CGNL1: variants seen among roughly 807,000 people sequenced by gnomAD.
CGNL1 encodes cingulin-like protein 1.
A neutral mutation model predicts 141.2 loss-of-function variants in CGNL1; 132 were observed. That is an observed-to-expected ratio of 0.93 (90% confidence interval 0.81 to 1.08). The LOEUF is 1.08. CGNL1 is among the 50% of genes least tolerant of loss of function. CGNL1 has a pLI of 0.00. For missense variants in CGNL1, 1,870 were observed against 1,588.6 expected (o/e 1.18, Z -3.01); for synonymous variants, 690 against 622.1 (o/e 1.11, Z -1.63).
intron 1 of CGNL1, among the ~76,000 whole-genome samples, chr15:57,426,737 G>A (rs939085786): frequency 1.4e-4 from 21 of 152,018 alleles, no homozygotes; most frequent in African/African-American, 5.1e-4. Flanking sequence ...GGGATTACAG[G>A]GATGAGATAC....
intron 8 of CGNL1, among the ~76,000 whole-genome samples, chr15:57,479,171 A>G (rs1469783403): frequency 6.6e-6 from 1 of 152,104 alleles, no homozygotes; most frequent in African/African-American, 2.4e-5. Flanking sequence ...TGGCACCTTT[A>G]TCCAGCCAAC....
chr15:57,524,520 G>A (rs1476498069), intron 11 of CGNL1, 61 bp from the exon 12 acceptor site: 5 of 1,473,006 alleles, frequency 3.4e-6, no homozygotes, highest in Non-Finnish European at 4.6e-6. Flanking sequence ...GTTGAAATGG[G>A]ACCCAGACCC....
chr15:57,514,552 C>T (rs1030914827), intron 8 of CGNL1, among the ~76,000 whole-genome samples: 4 of 151,810 alleles, frequency 2.6e-5, no homozygotes, highest in African/African-American at 9.7e-5. Context: ...TCATTCTGGT[C>T]GTTGTCTTTT....
At chr15:57,545,199 G>C (rs913067602) in intron 16 of CGNL1, among the ~76,000 whole-genome samples, 2 of 152,230 alleles carry the variant, frequency 1.3e-5, no homozygotes, top group Non-Finnish European at 2.9e-5. Flanking sequence ...TAGAAGGAGC[G>C]TGGTGTGCCG....
chr15:57,383,204 G>T (rs944860689), intron 1 of CGNL1, among the ~76,000 whole-genome samples: 1 of 151,932 alleles, frequency 6.6e-6, no homozygotes, highest in Non-Finnish European at 1.5e-5. Context: ...ACCTGATAAA[G>T]AATGGAGTGA....
chr15:57,473,600 G>A (rs1483703950), intron 8 of CGNL1, among the ~76,000 whole-genome samples: 1 of 152,104 alleles, frequency 6.6e-6, no homozygotes, highest in South Asian at 2.1e-4. Context: ...GACTTCCGTT[G>A]CTTGATCATA....
At chr15:57,466,557 A>G (rs1005978816) in intron 8 of CGNL1, among the ~76,000 whole-genome samples, 6 of 152,030 alleles carry the variant, frequency 3.9e-5, no homozygotes, top group Non-Finnish European at 8.8e-5. Flanking sequence ...ATTGTTGGCA[A>G]TTTTGCTCCG....
At chr15:57,473,467 C>T (rs1367534584) in intron 8 of CGNL1, among the ~76,000 whole-genome samples, 4 of 152,224 alleles carry the variant, frequency 2.6e-5, no homozygotes, top group Non-Finnish European at 5.9e-5. Context: ...AAGGCATTTA[C>T]AGTAGCCCGT....
chr15:57,458,480 C>T (rs1228784920), intron 7 of CGNL1, among the ~76,000 whole-genome samples: 1 of 152,134 alleles, frequency 6.6e-6, no homozygotes, highest in South Asian at 2.1e-4. Flanking sequence ...GCAGAATGGA[C>T]CATAAAAACC....
intron 1 of CGNL1, chr15:57,393,887 A>G (rs1442285387): frequency 6.6e-6 from 1 of 151,886 alleles, no homozygotes; most frequent in Non-Finnish European, 1.5e-5. Flanking sequence ...CTATGTCACT[A>G]AACAGTGCTT....
intron 12 of CGNL1, among the ~76,000 whole-genome samples, chr15:57,525,156 CTT>C (rs770914171): frequency 6.6e-6 from 1 of 152,160 alleles, no homozygotes; most frequent in Non-Finnish European, 1.5e-5. Flanking sequence ...AAAATACAGA[CTT>C]TTATTGGCAT....
At chr15:57,451,420 G>A (rs2063320261) in intron 4 of CGNL1, 80 bp from the exon 5 acceptor site, 1 of 1,010,936 alleles carries the variant, frequency 9.9e-7, no homozygotes, top group Non-Finnish European at 1.5e-6. Flanking sequence ...TTACTGCACT[G>A]ATTATATTTG....
chr15:57,419,890 T>C (rs1416694723), intron 1 of CGNL1, among the ~76,000 whole-genome samples: 2 of 152,232 alleles, frequency 1.3e-5, no homozygotes, highest in African/African-American at 4.8e-5. Context: ...GGGCAGGTTA[T>C]CTAAATAAAT....
intron 1 of CGNL1, among the ~76,000 whole-genome samples, chr15:57,435,295 T>C (rs562544283): frequency 1.3e-5 from 2 of 152,196 alleles, no homozygotes; most frequent in African/African-American, 4.8e-5. Flanking sequence ...GAGACTTGTA[T>C]GTATGGTGTG....
At chr15:57,392,603 C>T (rs183653633) in intron 1 of CGNL1, among the ~76,000 whole-genome samples, 28 of 152,204 alleles carry the variant, frequency 1.8e-4, no homozygotes, top group African/African-American at 6.3e-4. Context: ...CTCCCAGAAT[C>T]TAATTCATTG....
intron 8 of CGNL1, among the ~76,000 whole-genome samples, chr15:57,507,212 G>A (rs1761916816): frequency 6.6e-6 from 1 of 152,184 alleles, no homozygotes; most frequent in Admixed American, 6.5e-5. Flanking sequence ...TTGTGTTTCG[G>A]AAAAATCAAA....
chr15:57,422,959 A>G (rs1196531037), intron 1 of CGNL1, among the ~76,000 whole-genome samples: 2 of 152,050 alleles, frequency 1.3e-5, no homozygotes, highest in Non-Finnish European at 2.9e-5. Context: ...TGAGAATGTG[A>G]TTTTATGTAA....
intron 7 of CGNL1, among the ~76,000 whole-genome samples, chr15:57,454,558 G>A (rs578241792): frequency 9.2e-5 from 14 of 152,226 alleles, no homozygotes; most frequent in African/African-American, 2.4e-4. Context: ...TTCTTCACCC[G>A]ATGACCTGGC....
chr15:57,398,832 C>A (rs2062630078), intron 1 of CGNL1, among the ~76,000 whole-genome samples: 1 of 152,260 alleles, frequency 6.6e-6, no homozygotes, highest in Non-Finnish European at 1.5e-5. Flanking sequence ...GTATTTTTAA[C>A]AAAAATTGCC....
Sources: allele counts gnomAD v4.1 joint callset (sites outside exome capture counted in the v4.1 genomes callset), GRCh38; gene constraint gnomAD v4.1.1; transcripts MANE v1.5; gene names NCBI Gene and HGNC (gene_info 2026-07-23, HGNC 2026-07-21).